Variants in FAXC observed in about 807,000 individuals in gnomAD.
FAXC encodes failed axon connections homolog.
FAXC carries 10 observed loss-of-function variants against 41.9 expected under a neutral mutation model. That is an observed-to-expected ratio of 0.24 (90% CI 0.15 to 0.41). The LOEUF (loss-of-function observed/expected upper bound fraction) is 0.41, where lower values mean the gene tolerates loss of function less well. Ranked by LOEUF, FAXC falls within the 10% of genes least tolerant of loss-of-function variation. The pLI, the probability that FAXC is intolerant of heterozygous loss-of-function variation, is 1.00. For missense variants in FAXC, 399 were observed against 510.9 expected (o/e 0.78, Z 2.11); for synonymous variants, 183 against 183.8 (o/e 1.00, Z 0.03).
intron 3 of FAXC, 130 bp from the exon 4 acceptor site, chr6:99,323,797 A>G (rs1772681761): frequency 1.5e-6 from 1 of 675,218 alleles, no homozygotes; most frequent in Non-Finnish European, 2.6e-6. Context: ...TTTAATAAAG[A>G]GCAATCTGCA....
At chr6:99,337,553 T>A (rs943300351) in intron 2 of FAXC, among the ~76,000 whole-genome samples, 2 of 152,180 alleles carry the variant, frequency 1.3e-5, no homozygotes, top group Non-Finnish European at 2.9e-5. Flanking sequence ...ATACACTGTT[T>A]TGTACTGTTT....
chr6:99,293,730 G>C (rs1480943148), intron 4 of FAXC, among the ~76,000 whole-genome samples: 1 of 144,808 alleles, frequency 6.9e-6, no homozygotes, highest in Non-Finnish European at 1.5e-5. Context: ...GTGTGTGTGT[G>C]TGTGTGCATT....
chr6:99,333,440 C>T lies in FAXC; in HGVS notation c.510G>A (p.Lys170=), dbSNP rs776546239. Residue 170 remains lysine, a synonymous_variant, in exon 3 of 6, where the codon AAG becomes AAA. Transcript: ENST00000389677. ...TEFIIDFLEE[K]LGVNLNKNLG... ...GGTTTTTGTTTAAATTCACTCCAAG[C>T]TTCTCTTCCAGAAAGTCAATTATGA... 6.2e-7 allele frequency: 1 copy of T among 1,614,182 alleles called. No homozygotes were observed. Among genetic ancestry groups the T allele is most frequent in the East Asian group, 2.2e-5 (1 of 44,882 alleles).
intron 4 of FAXC, among the ~76,000 whole-genome samples, chr6:99,317,171 A>C (rs979071016): frequency 4.8e-5 from 4 of 82,784 alleles, no homozygotes; most frequent in African/African-American, 1.7e-4. Flanking sequence ...GTTTGCTGGA[A>C]ATCAGATTTT....
At chr6:99,312,995 A>C (rs1216797460) in intron 4 of FAXC, among the ~76,000 whole-genome samples, 1 of 152,194 alleles carries the variant, frequency 6.6e-6, no homozygotes, top group Non-Finnish European at 1.5e-5. Context: ...CATTTCTCTG[A>C]TATTAAAGAG....
intron 4 of FAXC, among the ~76,000 whole-genome samples, chr6:99,292,361 A>G (rs1043164981): frequency 6.6e-6 from 1 of 152,202 alleles, no homozygotes; most frequent in African/African-American, 2.4e-5. Flanking sequence ...CTTCCATGGA[A>G]AACAATAAGT....
intron 4 of FAXC, among the ~76,000 whole-genome samples, chr6:99,318,083 C>T (rs11969651): frequency 0.016 from 2,509 of 152,166 alleles, 65 homozygotes; most frequent in African/African-American, 0.057. Flanking sequence ...ACGGTGAAAG[C>T]CCGTCTCTAC....
At chr6:99,296,342 T>C (rs1021044241) in intron 4 of FAXC, among the ~76,000 whole-genome samples, 13 of 151,784 alleles carry the variant, frequency 8.6e-5, no homozygotes, top group Non-Finnish European at 1.8e-4. Context: ...GGAGGAGACT[T>C]GGGTGGTGAG....
chr6:99,294,949 A>G (rs1042459309), intron 4 of FAXC, among the ~76,000 whole-genome samples: 6 of 152,258 alleles, frequency 3.9e-5, no homozygotes, highest in African/African-American at 1.2e-4. Flanking sequence ...AACAAGGTTG[A>G]GAATGCTACC....
chr6:99,293,933 A>T (rs769096479), intron 4 of FAXC, among the ~76,000 whole-genome samples: 2 of 152,094 alleles, frequency 1.3e-5, no homozygotes, highest in Non-Finnish European at 2.9e-5. Context: ...ATGCACAGGA[A>T]AGACAGGAGG....
chr6:99,341,009 A>G (rs1254606939), intron 2 of FAXC, among the ~76,000 whole-genome samples: 1 of 152,124 alleles, frequency 6.6e-6, no homozygotes, highest in African/African-American at 2.4e-5. Flanking sequence ...CAGCAACACA[A>G]TTGGGATCAG....
chr6:99,324,852 C>G (rs576576288), intron 3 of FAXC, among the ~76,000 whole-genome samples: 1 of 152,284 alleles, frequency 6.6e-6, no homozygotes, highest in Admixed American at 6.5e-5. Context: ...CACCTCTACT[C>G]TTAGTGCTGG....
chr6:99,286,275 C>T (rs923975806), intron 5 of FAXC, among the ~76,000 whole-genome samples: 2 of 152,126 alleles, frequency 1.3e-5, no homozygotes, highest in East Asian at 1.9e-4. Flanking sequence ...CTTGTCTCCT[C>T]GAAGCTAAAA....
chr6:99,314,958 G>A (rs148434743), intron 4 of FAXC, among the ~76,000 whole-genome samples: 76 of 152,120 alleles, frequency 5.0e-4, no homozygotes, highest in African/African-American at 1.8e-3. Flanking sequence ...CCTTGGCCAG[G>A]CGCAGTGCCT....
chr6:99,298,049 G>A (rs974307936), intron 4 of FAXC, among the ~76,000 whole-genome samples: 5 of 152,086 alleles, frequency 3.3e-5, no homozygotes, highest in East Asian at 1.9e-4. Flanking sequence ...ACAAGCTTTC[G>A]GGTCAGGGTT....
intron 3 of FAXC, among the ~76,000 whole-genome samples, chr6:99,324,758 A>T (rs969492554): frequency 6.6e-6 from 1 of 152,206 alleles, no homozygotes; most frequent in Admixed American, 6.5e-5. Context: ...CCAAAGGCTG[A>T]AGAGAATGCA....
chr6:99,344,883 T>C (rs1039666275), intron 1 of FAXC, among the ~76,000 whole-genome samples: 1 of 152,320 alleles, frequency 6.6e-6, no homozygotes, highest in Admixed American at 6.5e-5. Flanking sequence ...TAATTGTTAA[T>C]TTGGGCCATG....
rs1046028264 is a variant in FAXC at position 99,325,678 on chromosome 6, T to A, written c.600-2011A>T. 4.6e-5 allele frequency among the ~76,000 whole-genome samples: 7 copies of A among 152,216 alleles called. No homozygotes were observed. In the East Asian group the frequency reaches 1.2e-3, roughly 25 times the overall value. On this transcript the variant is annotated intron_variant, in intron 3 of 5. Transcript: ENST00000389677. ...GTAATTAAGATGACAATTTTCACGT[T>A]CCCTTAGAATAATTCAGCACTTTGA...
At chr6:99,316,725 A>G (rs990795665) in intron 4 of FAXC, among the ~76,000 whole-genome samples, 1 of 152,232 alleles carries the variant, frequency 6.6e-6, no homozygotes, top group African/African-American at 2.4e-5. Flanking sequence ...TTCTATGACT[A>G]ATCACAAAAG....
Sources: gnomAD v4.1 joint callset for allele counts (sites outside exome capture counted in the v4.1 genomes callset) on GRCh38, gnomAD v4.1.1 for gene constraint, MANE v1.5 for transcripts, NCBI Gene and HGNC (gene_info 2026-07-23, HGNC 2026-07-21) for gene names.